Variants in DMD observed in about 807,000 individuals in gnomAD.
DMD encodes mutant dystrophin.
A neutral mutation model predicts 330.1 loss-of-function variants in DMD; 63 were observed. That is an observed-to-expected ratio of 0.19 (90% CI 0.16 to 0.24). The LOEUF (loss-of-function observed/expected upper bound fraction) is 0.24, where lower values mean the gene tolerates loss of function less well. Among genes scored for constraint, DMD ranks in the 10% least tolerant of loss-of-function variants. The pLI is 1.00. For missense variants in DMD, 3,344 were observed against 2,684.1 expected, an observed-to-expected ratio of 1.25 and a Z score of -5.43; for synonymous variants, 1,223 against 959.8, an observed-to-expected ratio of 1.27 and a Z score of -5.07.
At chrX:33,054,692 A>T (rs2094497799) in intron 1 of DMD, among the ~76,000 whole-genome samples, 2 of 112,129 alleles carry the variant, frequency 1.8e-5, no homozygotes, top group South Asian at 7.3e-4. Context: ...TGGAAAACTG[A>T]ATCACAGGGG....
intron 2 of DMD, among the ~76,000 whole-genome samples, chrX:32,855,815 A>T (rs751670029): frequency 9.0e-5 from 10 of 111,709 alleles, no homozygotes; most frequent in Non-Finnish European, 1.5e-4. Context: ...ACATGCACAA[A>T]TGAGACATCA....
chrX:31,119,626 A>G lies in DMD; in HGVS notation c.*2293T>C, dbSNP rs752594803. 8.9e-6 allele frequency: 1 copy of G among 112,639 alleles called. No individual in the cohort carries two copies. Among genetic ancestry groups the G allele is most frequent in the East Asian group, 2.8e-4 (1 of 3,599 alleles). The allele number at this position is 112,639 out of a possible 1,213,427, so 9.3% of individuals were successfully genotyped here. A position where few individuals can be genotyped will look rare whatever the true frequency, so the allele number is the denominator to read the frequency against. On this transcript the variant is annotated 3_prime_UTR_variant, in exon 79 of 79. Transcript: ENST00000357033. ...AGCTAATGTGTCTAAAAGAAAAACA[A>G]AAAGATTAAAACAAAATTATTTATG...
At chrX:33,128,857 T>C (rs776433051) in intron 1 of DMD, among the ~76,000 whole-genome samples, 1 of 112,148 alleles carries the variant, frequency 8.9e-6, no homozygotes, top group South Asian at 3.7e-4. Context: ...AATATCTTCC[T>C]CCAGACACAC....
At chrX:32,814,430 A>C (rs184920837) in intron 6 of DMD, among the ~76,000 whole-genome samples, 401 of 112,435 alleles carry the variant, frequency 3.6e-3, no homozygotes, top group African/African-American at 0.012. Flanking sequence ...TCAATTATTG[A>C]AATGAGGGCA....
intron 44 of DMD, among the ~76,000 whole-genome samples, chrX:31,991,362 A>C (rs1045133737): frequency 9.0e-6 from 1 of 111,275 alleles, no homozygotes; most frequent in South Asian, 3.8e-4. Context: ...GTAAGGTACT[A>C]TGACTTTTAT....
chrX:32,935,220 C>A (rs751843165), intron 2 of DMD, among the ~76,000 whole-genome samples: 5 of 112,649 alleles, frequency 4.4e-5, no homozygotes, highest in Admixed American at 1.9e-4. Context: ...CCTCATGATC[C>A]GCCCATCTCG....
chrX:32,442,597 A>G (rs866220713), intron 27 of DMD, among the ~76,000 whole-genome samples: 2 of 110,739 alleles, frequency 1.8e-5, no homozygotes, highest in South Asian at 3.8e-4. Context: ...GTTATTCTCA[A>G]TAAGGTGAAC....
chrX:32,640,601 C>G (rs760343892), intron 11 of DMD, among the ~76,000 whole-genome samples: 1 of 110,498 alleles, frequency 9.0e-6, no homozygotes, highest in Admixed American at 9.7e-5. Context: ...GGAAAAAGCA[C>G]TTTTACTGTC....
chrX:32,352,729 C>T (rs770685656), intron 37 of DMD, among the ~76,000 whole-genome samples: 7 of 110,704 alleles, frequency 6.3e-5, no homozygotes, highest in Non-Finnish European at 1.1e-4. Context: ...TATTATCTTG[C>T]ATTATGTGTT....
chrX:31,886,240 T>C (rs926500056), intron 47 of DMD, among the ~76,000 whole-genome samples: 2 of 111,254 alleles, frequency 1.8e-5, no homozygotes, highest in African/African-American at 6.5e-5. Flanking sequence ...AAATACCAGA[T>C]GAATGAAATG....
intron 29 of DMD, among the ~76,000 whole-genome samples, chrX:32,413,296 C>T (rs1240933083): frequency 9.0e-6 from 1 of 111,261 alleles, no homozygotes; most frequent in East Asian, 2.8e-4. Flanking sequence ...TGCATATACT[C>T]TTCTCACCTA....
intron 44 of DMD, among the ~76,000 whole-genome samples, chrX:32,135,812 C>T (rs1332991609): frequency 8.9e-6 from 1 of 112,436 alleles, no homozygotes; most frequent in Non-Finnish European, 1.9e-5. Context: ...AAAATATATA[C>T]CTTATTTAAT....
chrX:31,446,813 A>G (rs1258303418), intron 59 of DMD, among the ~76,000 whole-genome samples: 3 of 112,321 alleles, frequency 2.7e-5, no homozygotes, highest in Non-Finnish European at 5.6e-5. Context: ...TCTCTTCTGG[A>G]TAATAACGTG....
chrX:32,169,887 AT>A (rs1182961489), intron 44 of DMD, among the ~76,000 whole-genome samples: 1 of 111,078 alleles, frequency 9.0e-6, no homozygotes, highest in Non-Finnish European at 1.9e-5. Context: ...TGTGCATATT[AT>A]TTTTTGACAT....
chrX:32,493,982 G>A lies in DMD; in HGVS notation c.2381-2464C>T, dbSNP rs532120212. 2.8e-3 allele frequency among the ~76,000 whole-genome samples: 310 copies of A among 111,646 alleles called. 1 individual carries two copies. The highest frequency in any genetic ancestry group is 9.6e-3 in the African/African-American group (296 of 30,819). ...TATTCAACATTTGTCTAAATGAGAC[G>A]GGAACACAGAGAGAAATCACTTTGT... On this transcript the variant is annotated intron_variant, in intron 19 of 78. Transcript: ENST00000357033.
intron 13 of DMD, chrX:32,583,577 G>A (rs761177591): frequency 8.9e-6 from 1 of 112,031 alleles, no homozygotes; most frequent in Non-Finnish European, 1.9e-5. Context: ...ATGAGGACAG[G>A]CAAGTAGAGA....
rs2098390991 is a variant in DMD at position 32,463,578 on chromosome X, A to T, written c.3293T>A (p.Ile1098Asn). 1 of 1,161,660 alleles carries T rather than the reference A, an allele frequency of 8.6e-7. No homozygotes were observed. Among genetic ancestry groups the T allele is most frequent in the Non-Finnish European group, 1.2e-6 (1 of 868,534 alleles). ...GTTTAGACTGGGCTGAATTGTCTGA[A>T]TATCACTGACTAAAAGCTAAGAAAA... is the stretch of plus-strand genomic sequence containing the variant. ...LKQCRLLVSD[I>N]QTIQPSLNSV... is the part of the protein sequence containing the mutation. The change falls in exon 25 of 79, where the codon ATT (isoleucine) becomes AAT (asparagine). Residue 1098 changes from isoleucine (I) to asparagine (N), a missense_variant. Physicochemically the swap from Ile to Asn is moderately radical, Grantham distance 149. Coordinates refer to ENST00000357033, the MANE Select transcript of DMD (RefSeq NM_004006.3).
chrX:32,685,966 A>G (rs2062829282), intron 9 of DMD, among the ~76,000 whole-genome samples: 1 of 111,911 alleles, frequency 8.9e-6, no homozygotes, highest in African/African-American at 3.2e-5. Context: ...CTTCAAAAGA[A>G]TTAATATTTT....
intron 44 of DMD, among the ~76,000 whole-genome samples, chrX:32,026,302 C>T (rs557346220): frequency 9.4e-4 from 105 of 112,168 alleles, no homozygotes; most frequent in African/African-American, 3.2e-3. Context: ...TAAAACTTCA[C>T]GAAGTTTTAC....
Sources: gnomAD v4.1 joint callset for allele counts (sites outside exome capture counted in the v4.1 genomes callset) on GRCh38, gnomAD v4.1.1 for gene constraint, MANE v1.5 for transcripts, NCBI Gene and HGNC (gene_info 2026-07-23, HGNC 2026-07-21) for gene names.